The following CLASP1 variants were observed in gnomAD, a reference collection of about 807,000 sequenced individuals.
CLASP1 encodes cytoplasmic linker associated protein 1.
In CLASP1, 38 loss-of-function variants were observed where a neutral mutation model predicts 192.3. The ratio of observed to expected loss-of-function variants is 0.20; its 90% CI spans 0.15 to 0.26. The LOEUF is 0.26. CLASP1 is among the 10% of genes least tolerant of loss of function. The pLI, the probability that CLASP1 is intolerant of heterozygous loss-of-function variation, is 1.00. For missense variants in CLASP1, 1,433 were observed against 1,932.5 expected (o/e 0.74, Z 4.85); for synonymous variants, 691 against 712.8 (o/e 0.97, Z 0.49).
In CLASP1 at chr2:121,401,965, G is replaced by C. The variant is rs556496656; in HGVS notation, c.2734-95C>G. On this transcript the variant is annotated intron_variant, in intron 26 of 39. Coordinates refer to ENST00000263710, the Ensembl canonical transcript of CLASP1. ...ATACCATTTTCATGCGTTTTTTTAA[G>C]AAAACCTGAAAAGGCTACAAACCAA... The C allele has an allele frequency of 5.2e-5, 27 of 517,856 alleles. No individual in the cohort carries two copies. In the Admixed American group the frequency reaches 5.8e-4, roughly 11 times the overall value. 32.1% of individuals were successfully genotyped at this position (517,856 alleles called of 1,614,324 possible).
chr2:121,621,700 T>C (rs2067377674), intron 1 of CLASP1, among the ~76,000 whole-genome samples: 3 of 152,216 alleles, frequency 2.0e-5, no homozygotes, highest in Non-Finnish European at 2.9e-5. Flanking sequence ...TCAGATTGTC[T>C]CAATTATTGT....
intron 1 of CLASP1, among the ~76,000 whole-genome samples, chr2:121,648,567 G>T (rs144908474): frequency 5.3e-5 from 8 of 152,066 alleles, no homozygotes; most frequent in Admixed American, 2.6e-4. Flanking sequence ...TTTAAACTCT[G>T]GAAAGCCCCA....
chr2:121,424,737 TTAAAA>T (rs1194362666), intron 22 of CLASP1, among the ~76,000 whole-genome samples: 5 of 152,216 alleles, frequency 3.3e-5, no homozygotes, highest in African/African-American at 7.2e-5. Context: ...AAGATCAGAA[TTAAAA>T]TAAATGTGGA....
chr2:121,499,405 T>G (rs1343384103), intron 8 of CLASP1, among the ~76,000 whole-genome samples: 5 of 150,740 alleles, frequency 3.3e-5, no homozygotes, highest in Admixed American at 6.6e-5. Flanking sequence ...CGCCAGAAAC[T>G]GGGGGGAGAG....
chr2:121,470,293 C>CT (rs70954550), intron 8 of CLASP1: 49,856 of 303,654 alleles, frequency 0.16, 12,495 homozygotes, highest in Non-Finnish European at 0.21. Context: ...ACCATCCATG[C>CT]TTTTTTTTTT....
chr2:121,554,839 T>C (rs1218790309), intron 2 of CLASP1, among the ~76,000 whole-genome samples: 2 of 152,160 alleles, frequency 1.3e-5, no homozygotes, highest in African/African-American at 4.8e-5. Context: ...AATAACTAAA[T>C]TGTACATTTA....
intron 2 of CLASP1, among the ~76,000 whole-genome samples, chr2:121,536,189 G>A (rs1246095795): frequency 6.6e-6 from 1 of 150,788 alleles, no homozygotes; most frequent in Non-Finnish European, 1.5e-5. Flanking sequence ...AGACCATCCT[G>A]GCTAACACAG....
chr2:121,537,566 A>G lies in CLASP1; in HGVS notation c.196-7241T>C, dbSNP rs529491110. On this transcript the variant is annotated intron_variant, in intron 2 of 39. Transcript: ENST00000263710. ...CTAGATACATTAGCTACATTGTTTA[A>G]AAGATGAAAATTAAGACCAATACTG... 2.8e-4 allele frequency among the ~76,000 whole-genome samples: 43 copies of G among 152,344 alleles called. No individual in the cohort carries two copies. The South Asian group carries it at 8.7e-3, about 31-fold the overall frequency.
At chr2:121,352,671 T>G (rs1428620234) in intron 37 of CLASP1, among the ~76,000 whole-genome samples, 2 of 152,200 alleles carry the variant, frequency 1.3e-5, no homozygotes, top group African/African-American at 4.8e-5. Context: ...TTTTAATTTT[T>G]TGAGACAGAG....
chr2:121,604,647 G>A (rs751177996), intron 2 of CLASP1, among the ~76,000 whole-genome samples: 3 of 152,154 alleles, frequency 2.0e-5, no homozygotes, highest in Admixed American at 6.5e-5. Context: ...CAGCCTGGGC[G>A]ACAGAGCAAG....
At chr2:121,606,101 C>G in exon 2 of CLASP1, 1 of 575,280 alleles carries the variant, frequency 1.7e-6, no homozygotes, top group South Asian at 2.3e-5. Context: ...ATTTAAATAA[C>G]TAGTAGGAGA....
intron 37 of CLASP1, among the ~76,000 whole-genome samples, chr2:121,349,328 G>C (rs966584153): frequency 1.3e-5 from 2 of 152,180 alleles, no homozygotes; most frequent in Non-Finnish European, 2.9e-5. Context: ...GAACCTGTTA[G>C]AAATGCAACT....
chr2:121,514,340 G>A (rs893907178), intron 7 of CLASP1, among the ~76,000 whole-genome samples: 4 of 152,086 alleles, frequency 2.6e-5, no homozygotes, highest in Non-Finnish European at 5.9e-5. Flanking sequence ...CGGTGACTTC[G>A]TCATTAAACA....
In CLASP1 at chr2:121,403,638, G is replaced by A. The variant is rs1163990108; in HGVS notation, c.2733+733C>T. Reference sequence around the variant, plus strand: ...TCTAAAAGCATCTAATAGTCTCTAAGGGCCTTCTCCCTAACAATAGTATTT... The same window carrying A: ...TCTAAAAGCATCTAATAGTCTCTAAAGGCCTTCTCCCTAACAATAGTATTT... On this transcript the variant is annotated intron_variant, in intron 26 of 39. Coordinates refer to ENST00000263710, the Ensembl canonical transcript of CLASP1. The A allele has an allele frequency of 9.2e-6, 4 of 436,184 alleles. No individual in the cohort carries two copies. The East Asian group carries it at 2.1e-4, about 23-fold the overall frequency. 27.0% of individuals were successfully genotyped at this position (436,184 alleles called of 1,614,324 possible).
chr2:121,455,378 T>G (rs758997085), intron 14 of CLASP1, among the ~76,000 whole-genome samples: 7 of 152,138 alleles, frequency 4.6e-5, no homozygotes, highest in Non-Finnish European at 7.4e-5. Context: ...CTATTCACAA[T>G]AGCCAAGATA....
chr2:121,611,413 T>G (rs1576455854), intron 1 of CLASP1, among the ~76,000 whole-genome samples: 36 of 88,688 alleles, frequency 4.1e-4, no homozygotes, highest in East Asian at 6.4e-4. Flanking sequence ...GGAGGAGGAG[T>G]TACAGGAGAA....
chr2:121,480,343 C>T (rs1033292635), intron 8 of CLASP1, among the ~76,000 whole-genome samples: 1 of 152,226 alleles, frequency 6.6e-6, no homozygotes, highest in African/African-American at 2.4e-5. Flanking sequence ...TGGGTAAGAG[C>T]TGCTGAGTGC....
At chr2:121,602,830 T>C (rs1476472530) in intron 2 of CLASP1, among the ~76,000 whole-genome samples, 1 of 152,062 alleles carries the variant, frequency 6.6e-6, no homozygotes, top group African/African-American at 2.4e-5. Context: ...AAGACCTAAA[T>C]GTAAGACCCA....
At chr2:121,545,756 A>G (rs1001103959) in intron 2 of CLASP1, among the ~76,000 whole-genome samples, 1 of 152,108 alleles carries the variant, frequency 6.6e-6, no homozygotes, top group Non-Finnish European at 1.5e-5. Context: ...CAAATCTAAG[A>G]CACCACCAAC....
Sources: gnomAD v4.1 joint callset for allele counts (sites outside exome capture counted in the v4.1 genomes callset) on GRCh38, gnomAD v4.1.1 for gene constraint, MANE v1.5 for transcripts, NCBI Gene and HGNC (gene_info 2026-07-23, HGNC 2026-07-21) for gene names.